The following PFKFB3 variants were observed in gnomAD, a reference collection of about 807,000 sequenced individuals.
The protein encoded by PFKFB3 is 6-phosphofructo-2-kinase/fructose-2,6-biphosphatase 3, also known as 6-phosphofructo-2-kinase/fructose-2,6-bisphosphatase 3.
Under a neutral mutation model 68.0 loss-of-function variants are expected in PFKFB3, and 33 were observed. The observed-to-expected ratio is 0.49, with a 90% CI of 0.37 to 0.65. PFKFB3 has a LOEUF of 0.65. PFKFB3 is among the 30% of genes least tolerant of loss of function. The pLI is 0.00. For missense variants in PFKFB3, 586 were observed against 712.2 expected, an observed-to-expected ratio of 0.82 and a Z score of 2.02; for synonymous variants, 315 against 288.2, an observed-to-expected ratio of 1.09 and a Z score of -0.94.
intron 1 of PFKFB3, among the ~76,000 whole-genome samples, chr10:6,206,450 T>C (rs1843697595): frequency 8.2e-6 from 1 of 121,222 alleles, no homozygotes; most frequent in Non-Finnish European, 1.7e-5. Flanking sequence ...CATGGCCCGT[T>C]CTCAATGAGC....
In PFKFB3 at chr10:6,229,166, T is replaced by C. The variant is rs764528442; in HGVS notation, c.1515+2801T>C. Reference sequence around the variant, plus strand: ...GAGATGCTGAAAAGAATGACTGGCTTTGGAAATGGGAGAGGTTTGGCATGG... The same window carrying C: ...GAGATGCTGAAAAGAATGACTGGCTCTGGAAATGGGAGAGGTTTGGCATGG... On this transcript the variant is annotated intron_variant, in intron 14 of 14. Transcript: ENST00000379775. The surrounding 1 kb of genome is among the most constrained non-coding windows in gnomAD (Gnocchi z 4.3). The C allele has an allele frequency of 1.0e-4, 49 of 476,622 alleles. 4 individuals carry two copies. Among genetic ancestry groups the C allele is most frequent in the Non-Finnish European group, 4.4e-6 (1 of 228,530 alleles). The allele number at this position is 476,622 out of a possible 1,614,324, so 29.5% of individuals were successfully genotyped here. A position where few individuals can be genotyped will look rare whatever the true frequency, so the allele number is the denominator to read the frequency against.
chr10:6,164,779 G>A (rs1842077760), intron 1 of PFKFB3, among the ~76,000 whole-genome samples: 2 of 152,172 alleles, frequency 1.3e-5, no homozygotes, highest in Admixed American at 1.3e-4. Flanking sequence ...ACTGTGCCCT[G>A]ATGTGCACAT....
At chr10:6,282,798 A>C in the PFKFB3 span, among the ~76,000 whole-genome samples, 1 of 152,312 alleles carries the variant, frequency 6.6e-6, no homozygotes, top group African/African-American at 2.4e-5. Context: ...TGCCATCAAC[A>C]AACATAGGAG....
chr10:6,310,472 A>G, the PFKFB3 span, among the ~76,000 whole-genome samples: 8 of 117,346 alleles, frequency 6.8e-5, no homozygotes, highest in African/African-American at 2.5e-4. Flanking sequence ...AAGATATTCG[A>G]AAAAAAAAGT....
intron 1 of PFKFB3, among the ~76,000 whole-genome samples, chr10:6,204,324 G>A (rs1843548265): frequency 6.6e-6 from 1 of 152,294 alleles, no homozygotes. Flanking sequence ...AGCCTGAGTA[G>A]TGACCGTGGG....
At chr10:6,278,846 T>TG in the PFKFB3 span, among the ~76,000 whole-genome samples, 2 of 89,844 alleles carry the variant, frequency 2.2e-5, no homozygotes, top group South Asian at 3.2e-4. Flanking sequence ...GTGTGGTGGG[T>TG]GGTAAAATCA....
rs1246748697 is a variant in PFKFB3, at chr10:6,202,964, C to T, written c.-297C>T. 7 of 1,284,834 alleles carry T rather than the reference C, an allele frequency of 5.4e-6. No homozygotes were observed. In the South Asian group the frequency reaches 7.6e-5, roughly 14 times the overall value. The allele number at this position is 1,284,834 out of a possible 1,614,324, so 79.6% of individuals were successfully genotyped here. On this transcript the variant is annotated 5_prime_UTR_variant, in exon 1 of 15. Coordinates refer to ENST00000379775, the MANE Select transcript of PFKFB3 (RefSeq NM_004566.4). ...CCGGAGAGGAGGCGAGCAGCAGGGC[C>T]TGGTGGCGAGAGCGCGGCTGTCACT...
At chr10:6,309,044 AAG>A in the PFKFB3 span, among the ~76,000 whole-genome samples, 1 of 152,238 alleles carries the variant, frequency 6.6e-6, no homozygotes, top group African/African-American at 2.4e-5. Context: ...AAATAAAAAA[AAG>A]AGAGGGCGGG....
chr10:6,209,480 T>TTG (rs747265844), intron 1 of PFKFB3, among the ~76,000 whole-genome samples: 53 of 151,952 alleles, frequency 3.5e-4, no homozygotes, highest in Non-Finnish European at 6.0e-4. Flanking sequence ...ATAATTTTTT[T>TTG]TTTGTTTTTT....
chr10:6,224,637 T>A (rs1179081830), intron 13 of PFKFB3: 1 of 349,776 alleles, frequency 2.9e-6, no homozygotes, highest in Non-Finnish European at 5.6e-6. Context: ...CGCACCACCA[T>A]GCCCAGCTAA....
Position 6,216,055 on chromosome 10 carries a change from C to T in PFKFB3, c.300-70C>T, listed in dbSNP as rs775425578. On this transcript the variant is annotated intron_variant, in intron 3 of 14. Transcript: ENST00000379775. ...AGTTACTCTGCTTGTCGGGGCGTGT[C>T]GGGAGTTGCTTGGGCTGCCCCAGCG... The T allele has an allele frequency of 2.9e-5, 39 of 1,355,442 alleles. 1 individual carries two copies. Among genetic ancestry groups the T allele is most frequent in the South Asian group, 4.7e-5 (4 of 86,016 alleles). The allele number at this position is 1,355,442 out of a possible 1,614,324, so 84.0% of individuals were successfully genotyped here.
chr10:6,216,664 AAACTT>A, intron 4 of PFKFB3, 37 bp from the exon 5 acceptor site: 1 of 1,367,700 alleles, frequency 7.3e-7, no homozygotes, highest in Non-Finnish European at 1.0e-6. Flanking sequence ...TGTTAAACTC[AAACTT>A]AGAGTTTTCT....
At chr10:6,189,035 T>G (rs1588444610) in intron 1 of PFKFB3, among the ~76,000 whole-genome samples, 1 of 152,100 alleles carries the variant, frequency 6.6e-6, no homozygotes, top group Non-Finnish European at 1.5e-5. Context: ...GAAACGGGGT[T>G]TCACTGTGTT....
the PFKFB3 span, among the ~76,000 whole-genome samples, chr10:6,276,189 C>T: frequency 6.6e-6 from 1 of 152,058 alleles, no homozygotes; most frequent in Non-Finnish European, 1.5e-5. Context: ...GGATTTTGGC[C>T]TTTGAATCAG....
At chr10:6,205,953 A>G (rs1227714104) in intron 1 of PFKFB3, among the ~76,000 whole-genome samples, 1 of 143,334 alleles carries the variant, frequency 7.0e-6, no homozygotes, top group African/African-American at 2.6e-5. Flanking sequence ...GTGCACCACC[A>G]CACCCGGCTA....
At chr10:6,241,867 T>C (rs1846149262) in intron 14 of PFKFB3, among the ~76,000 whole-genome samples, 1 of 151,010 alleles carries the variant, frequency 6.6e-6, no homozygotes. Context: ...TTTTAAGAGA[T>C]GGGGATCTTA....
At chr10:6,184,433 A>T (rs1842815220) in intron 1 of PFKFB3, among the ~76,000 whole-genome samples, 1 of 151,982 alleles carries the variant, frequency 6.6e-6, no homozygotes, top group South Asian at 2.1e-4. Flanking sequence ...TGGGGTTGAC[A>T]CAATGGGTAG....
At chr10:6,171,845 G>A (rs1386167781) in intron 1 of PFKFB3, among the ~76,000 whole-genome samples, 1 of 152,242 alleles carries the variant, frequency 6.6e-6, no homozygotes, top group Non-Finnish European at 1.5e-5. Flanking sequence ...TCAGAGCCAC[G>A]ATGAGAGTGG....
chr10:6,155,465 A>G (rs2131693338), intron 1 of PFKFB3, among the ~76,000 whole-genome samples: 1 of 152,032 alleles, frequency 6.6e-6, no homozygotes, highest in African/African-American at 2.4e-5. Context: ...CAGCCTCCCA[A>G]AGTGCTGGGA....
Sources: gnomAD v4.1 joint callset for allele counts (sites outside exome capture counted in the v4.1 genomes callset) on GRCh38, gnomAD v4.1.1 for gene constraint, Gnocchi (gnomAD v3.1) non-coding constraint, MANE v1.5 for transcripts, NCBI Gene and HGNC (gene_info 2026-07-23, HGNC 2026-07-21) for gene names.